The following CPAMD8 variants were observed in gnomAD, a reference collection of about 807,000 sequenced individuals.
CPAMD8 encodes the protein C3 and PZP-like alpha-2-macroglobulin domain-containing protein 8.
A neutral mutation model predicts 224.7 loss-of-function variants in CPAMD8; 146 were observed. The observed-to-expected ratio is 0.65, with a 90% CI of 0.57 to 0.75. The LOEUF (loss-of-function observed/expected upper bound fraction) is 0.75, where lower values mean the gene tolerates loss of function less well. Ranked by LOEUF, CPAMD8 falls within the 30% of genes least tolerant of loss-of-function variation. The pLI is 0.00. For missense variants in CPAMD8, 2,301 were observed against 2,537.5 expected, an observed-to-expected ratio of 0.91 and a Z score of 2.00; for synonymous variants, 966 against 1,044.6, an observed-to-expected ratio of 0.92 and a Z score of 1.45.
intron 30 of CPAMD8, among the ~76,000 whole-genome samples, chr19:16,904,795 C>T (rs1038342653): frequency 6.6e-6 from 1 of 152,216 alleles, no homozygotes; most frequent in Non-Finnish European, 1.5e-5. Context: ...GGCTACCCAA[C>T]CTTACCCCTG....
chr19:16,982,199 G>A (rs911651958), intron 13 of CPAMD8, among the ~76,000 whole-genome samples: 1 of 152,070 alleles, frequency 6.6e-6, no homozygotes, highest in African/African-American at 2.4e-5. Flanking sequence ...TTCAAGACCC[G>A]CCACAGCAAC....
intron 21 of CPAMD8, among the ~76,000 whole-genome samples, chr19:16,946,178 TGTG>T (rs2054073470): frequency 6.7e-6 from 1 of 148,208 alleles, no homozygotes; most frequent in Admixed American, 7.3e-5. Flanking sequence ...GTGTATGATT[TGTG>T]TGTGTGTGTG....
chr19:16,941,155 A>G (rs1184552810), intron 22 of CPAMD8, among the ~76,000 whole-genome samples: 1 of 151,514 alleles, frequency 6.6e-6, no homozygotes, highest in Non-Finnish European at 1.5e-5. Flanking sequence ...CTGGTCTCGA[A>G]CTCCTGGCCT....
At chr19:16,977,298 C>A (rs2055312330) in intron 15 of CPAMD8, 70 bp downstream of exon 15, 3 of 1,006,278 alleles carry the variant, frequency 3.0e-6, no homozygotes, top group Non-Finnish European at 4.7e-6. Context: ...GCACAGACCC[C>A]CTGGCCAGCA....
intron 29 of CPAMD8, among the ~76,000 whole-genome samples, chr19:16,908,478 T>C (rs1264848133): frequency 6.6e-6 from 1 of 152,120 alleles, no homozygotes; most frequent in Non-Finnish European, 1.5e-5. Flanking sequence ...GCCCTGCTCA[T>C]GCCCTCCCTA....
chr19:17,021,518 T>A (rs1290299298), intron 2 of CPAMD8, among the ~76,000 whole-genome samples: 2 of 152,212 alleles, frequency 1.3e-5, no homozygotes, highest in Non-Finnish European at 2.9e-5. Flanking sequence ...TACAGCTTTC[T>A]GAGCCAGGGA....
intron 3 of CPAMD8, among the ~76,000 whole-genome samples, 164 bp downstream of exon 3, chr19:17,020,167 T>C (rs1465535190): frequency 6.6e-6 from 1 of 151,354 alleles, no homozygotes; most frequent in Admixed American, 6.6e-5. Flanking sequence ...AGAGATGCGG[T>C]TTCACCATGT....
chr19:16,910,954 G>A (rs1288852259), intron 29 of CPAMD8, among the ~76,000 whole-genome samples: 1 of 152,124 alleles, frequency 6.6e-6, no homozygotes, highest in Admixed American at 6.6e-5. Flanking sequence ...AGGGAGCAAG[G>A]GCCTGCCAAT....
intron 27 of CPAMD8, 95 bp from the exon 28 acceptor site, chr19:16,914,908 G>C: frequency 2.3e-6 from 2 of 861,500 alleles, no homozygotes; most frequent in Non-Finnish European, 3.6e-6. Flanking sequence ...CACCACCCCC[G>C]GCCTCCATTT....
chr19:16,989,897 C>A, intron 12 of CPAMD8, 126 bp from the exon 13 acceptor site: 1 of 875,488 alleles, frequency 1.1e-6, no homozygotes, highest in Non-Finnish European at 1.8e-6. Flanking sequence ...TTTGGGGAAC[C>A]CCCTCCCCAA....
At chr19:16,973,830 T>A (rs1195430751) in intron 17 of CPAMD8, among the ~76,000 whole-genome samples, 11 of 71,936 alleles carry the variant, frequency 1.5e-4, no homozygotes, top group African/African-American at 1.3e-3. Context: ...ATTAGCCCTT[T>A]TTTTTTTTTT....
At position 17,026,570 on chromosome 19, in the gene CPAMD8, C is replaced by G. The variant is rs901186566; in HGVS notation, c.73G>C (p.Ala25Pro). The change falls in exon 1 of 42, where the codon GCC becomes CCC. Residue 25 changes from alanine to proline, a missense_variant. Transcript: ENST00000443236. ...ACTCACGGGGCCTGAGGCTGCGCGG[C>G]GCGCACGCCGTCCCGCGCCGACAGC... ...LLLSARDGVR[A>P]AQPQAPGYLI... 6.5e-7 allele frequency: 1 copy of G among 1,527,126 alleles called. No individual in the cohort carries two copies. The highest frequency in any genetic ancestry group is 8.7e-7 in the Non-Finnish European group (1 of 1,146,386). The allele number at this position is 1,527,126 out of a possible 1,614,324, so 94.6% of individuals were successfully genotyped here.
chr19:16,970,520 G>A (rs1328689318), intron 18 of CPAMD8, among the ~76,000 whole-genome samples: 2 of 152,072 alleles, frequency 1.3e-5, no homozygotes, highest in East Asian at 1.9e-4. Flanking sequence ...GGGAGGTGGA[G>A]GTTGCAGGGA....
At chr19:16,939,994 C>T (rs550908108) in intron 22 of CPAMD8, among the ~76,000 whole-genome samples, 3 of 151,916 alleles carry the variant, frequency 2.0e-5, no homozygotes, top group Non-Finnish European at 2.9e-5. Flanking sequence ...TTCACTACAA[C>T]CTCCGCCTCC....
rs371904155 is a variant in CPAMD8 at position 16,976,065 on chromosome 19, G to A, written c.1845C>T (p.Cys615=). The A allele has an allele frequency of 4.0e-4, 652 of 1,611,700 alleles. 1 individual carries two copies. The highest frequency in any genetic ancestry group is 9.7e-4 in the African/African-American group (73 of 74,988). ...AGACACTCTTATCAACTGCGGCGAC[G>A]CACACACAGCTGCCCCTTGCAGCCC... ...RIRAARGSCV[C]VAAVDKSVYL... is the part of the protein sequence containing the mutation. The change falls in exon 16 of 42, where the codon TGC becomes TGT. Residue 615 remains cysteine (C), a synonymous_variant. Transcript: ENST00000443236.
In CPAMD8 at chr19:16,903,855, G is replaced by A. The variant is rs1178750304; in HGVS notation, c.4254C>T (p.Asp1418=). The A allele has an allele frequency of 3.7e-5, 59 of 1,613,140 alleles. No individual in the cohort carries two copies. Among genetic ancestry groups the A allele is most frequent in the Non-Finnish European group, 5.0e-5 (59 of 1,179,906 alleles). Residue 1418 remains aspartate, a splice_region_variant and synonymous_variant, in exon 33 of 42, where the codon GAC becomes GAT. Coordinates refer to ENST00000443236, the MANE Select transcript of CPAMD8 (RefSeq NM_015692.5). ...CCAAGGCCTGCAGAGCCACGCAGGTGTCCTGGGGATGGAGGAGGAGACGGC... is the reference window on the plus strand; with the variant it reads ...CCAAGGCCTGCAGAGCCACGCAGGTATCCTGGGGATGGAGGAGGAGACGGC... ...NALGGFSSTQ[D]TCVALQALAE... is the part of the protein sequence containing the mutation.
chr19:16,902,002 G>A (rs1201670569), intron 35 of CPAMD8, among the ~76,000 whole-genome samples: 3 of 152,012 alleles, frequency 2.0e-5, no homozygotes, highest in African/African-American at 4.8e-5. Flanking sequence ...CCCACCAATC[G>A]TCGCCATGGT....
chr19:16,895,665 A>C (rs1035411216), intron 41 of CPAMD8: 1 of 346,300 alleles, frequency 2.9e-6, no homozygotes, highest in South Asian at 2.2e-5. Context: ...TCCCTAGTCC[A>C]AAAATCCTAA....
At chr19:16,957,598 T>C (rs549032539) in intron 19 of CPAMD8, 104 of 462,640 alleles carry the variant, frequency 2.2e-4, no homozygotes, top group African/African-American at 1.5e-3. Context: ...ACAGAGCAGA[T>C]AGAGTAACCC....
Sources: allele counts gnomAD v4.1 joint callset (sites outside exome capture counted in the v4.1 genomes callset), GRCh38; gene constraint gnomAD v4.1.1; transcripts MANE v1.5; gene names NCBI Gene and HGNC (gene_info 2026-07-23, HGNC 2026-07-21).